The following MTMR4 variants were observed in gnomAD, a reference collection of about 807,000 sequenced individuals.
MTMR4 encodes phosphatidylinositol-3,5-bisphosphate 3-phosphatase MTMR4.
Under a neutral mutation model 125.5 loss-of-function variants are expected in MTMR4, and 30 were observed. That is an observed-to-expected ratio of 0.24 (90% CI 0.18 to 0.32). The LOEUF (loss-of-function observed/expected upper bound fraction) is 0.32. Ranked by LOEUF, MTMR4 falls within the 10% of genes least tolerant of loss-of-function variation. The probability of loss-of-function intolerance (pLI) is 1.00; values close to 1 mark genes in which losing one functional copy is unlikely to be tolerated. For missense variants in MTMR4, 1,039 were observed against 1,511.5 expected (o/e 0.69, Z 5.18); for synonymous variants, 498 against 564.5 (o/e 0.88, Z 1.67).
At position 58,495,940 on chromosome 17, in the gene MTMR4, G is replaced by A. The variant is rs1267123529; in HGVS notation, c.2244C>T (p.Asp748=). The A allele has an allele frequency of 1.9e-6, 3 of 1,614,066 alleles. No homozygotes were observed. ...VLEETKGPAP[D]PSAQDELGRT... ...TACCCAGCTCATCCTGGGCAGAAGG[G>A]TCTGGAGCTGGTCCCTTAGTCTCTT... Residue 748 remains aspartate, a synonymous_variant, in exon 15 of 18, where the codon GAC becomes GAT. Coordinates refer to ENST00000682306, the MANE Select transcript of MTMR4 (RefSeq NM_001378067.1).
At position 58,512,726 on chromosome 17, in the gene MTMR4, C is replaced by G. The variant is rs2143934250; in HGVS notation, c.135+126G>C. On this transcript the variant is annotated intron_variant, in intron 2 of 17. Coordinates refer to ENST00000682306, the MANE Select transcript of MTMR4 (RefSeq NM_001378067.1). The surrounding 1 kb of genome is among the most constrained non-coding windows in gnomAD (Gnocchi z 4.1). ...GATGCGCAGACAAACCCTCCTCCTC[C>G]AGAGACCAGGGAACATGAAGCCAGA... is the stretch of plus-strand genomic sequence containing the variant. The G allele has an allele frequency of 1.1e-6, 1 of 886,300 alleles. No individual in the cohort carries two copies. The highest frequency in any genetic ancestry group is 2.5e-5 in the East Asian group (1 of 40,340). The allele number at this position is 886,300 out of a possible 1,614,324, so 54.9% of individuals were successfully genotyped here. A position where few individuals can be genotyped will look rare whatever the true frequency, so the allele number is the denominator to read the frequency against.
rs1975834021 is a variant in MTMR4 at position 58,508,411 on chromosome 17, T to C, written c.593+57A>G. ...CTCAGAAGCTGTGCCCACCACACTT[T>C]ATCCAAACACGGAAGTAGTTTGGTG... On this transcript the variant is annotated intron_variant, in intron 6 of 17. Coordinates refer to ENST00000682306, the MANE Select transcript of MTMR4 (RefSeq NM_001378067.1). The surrounding 1 kb of genome is among the most constrained non-coding windows in gnomAD (Gnocchi z 4.8). 1.3e-6 allele frequency: 2 copies of C among 1,587,004 alleles called. No homozygotes were observed. Among genetic ancestry groups the C allele is most frequent in the Admixed American group, 1.7e-5 (1 of 59,936 alleles).
chr17:58,515,953 T>C (rs978137768), upstream of MTMR4, among the ~76,000 whole-genome samples: 9 of 152,218 alleles, frequency 5.9e-5, no homozygotes, highest in African/African-American at 9.6e-5. Context: ...CTCCTAGCTC[T>C]TAGGAGTTAA....
chr17:58,499,789 A>AT (rs368767094), intron 14 of MTMR4, among the ~76,000 whole-genome samples: 32,537 of 141,108 alleles, frequency 0.23, 3,997 homozygotes, highest in South Asian at 0.33. Context: ...CGCCCGGCTA[A>AT]TTTTTTTTTT....
chr17:58,511,323 A>C lies in MTMR4; in HGVS notation c.335+106T>G. ...TCTTCACCTTTTCTTCCAACTGGGG[A>C]AAGTGAGGCAGGATCTTTCCTCTCT... is the stretch of plus-strand genomic sequence containing the variant. On this transcript the variant is annotated intron_variant, in intron 4 of 17. Transcript: ENST00000682306. 9 of 1,027,140 alleles carry C rather than the reference A, an allele frequency of 8.8e-6. 1 individual carries two copies. The South Asian group carries it at 1.5e-4, about 17-fold the overall frequency. The allele number at this position is 1,027,140 out of a possible 1,614,324, so 63.6% of individuals were successfully genotyped here. A position where few individuals can be genotyped will look rare whatever the true frequency, so the allele number is the denominator to read the frequency against.
Position 58,496,146 on chromosome 17 carries a change from G to T in MTMR4, c.2038C>A (p.Pro680Thr), listed in dbSNP as rs142511713. 8.1e-6 allele frequency: 13 copies of T among 1,614,042 alleles called. No homozygotes were observed. Among genetic ancestry groups the T allele is most frequent in the Non-Finnish European group, 1.1e-5 (13 of 1,180,026 alleles). The stretch of plus-strand genomic sequence containing the variant: ...CCCACTTCTCCTACAGTTTGCTGAG[G>T]CCCTCCTACCCCAGAGTCCACAAAG... ...TSFVDSGVGG[P>T]QQTVGEVGLP... Residue 680 changes from proline to threonine, a missense_variant, in exon 15 of 18, where the codon CCT (proline) becomes ACT (threonine). By Grantham distance (38) the Pro-to-Thr change is conservative (BLOSUM62 -1). Around this residue, in one of 6 missense-constraint regions of MTMR4, gnomAD observed 619 missense variants for 714.5 expected, o/e 0.87. Coordinates refer to ENST00000682306, the MANE Select transcript of MTMR4 (RefSeq NM_001378067.1).
chr17:58,496,586 C>T (rs959691738), intron 14 of MTMR4, among the ~76,000 whole-genome samples: 1 of 152,208 alleles, frequency 6.6e-6, no homozygotes, highest in South Asian at 2.1e-4. Context: ...TGTCAGCACT[C>T]AACCTACCAG....
upstream of MTMR4, among the ~76,000 whole-genome samples, chr17:58,518,876 CG>C (rs1480900938): frequency 6.6e-6 from 1 of 152,152 alleles, no homozygotes; most frequent in Non-Finnish European, 1.5e-5. Flanking sequence ...TTAATTAGCC[CG>C]GGGCTAATGT....
chr17:58,507,131 G>A lies in MTMR4; in HGVS notation c.896C>T (p.Ala299Val), dbSNP rs1166860284. The change falls in exon 8 of 18, where the codon GCT becomes GTT. Residue 299 changes from alanine to valine, a missense_variant. Physicochemically the swap from Ala to Val is moderately conservative, Grantham distance 64. Around this residue, in one of 6 missense-constraint regions of MTMR4, gnomAD observed 49 missense variants for 68.4 expected, o/e 0.72. Coordinates refer to ENST00000682306, the MANE Select transcript of MTMR4 (RefSeq NM_001378067.1). ...CATCATCCACACCTTACCAAAGTCA[G>A]CATCACACGCCTCGCTGGTATCATT... ...GNNDTSEACD[A>V]DFDSSLTACS... is the part of the protein sequence containing the mutation. The A allele has an allele frequency of 6.2e-7, 1 of 1,614,136 alleles. No homozygotes were observed. The highest frequency in any genetic ancestry group is 8.5e-7 in the Non-Finnish European group (1 of 1,180,022).
Position 58,495,907 on chromosome 17 carries a change from T to C in MTMR4, c.2277A>G (p.Leu759=). Residue 759 remains leucine (L), a synonymous_variant, in exon 15 of 18, where the codon TTA becomes TTG. Transcript: ENST00000682306. ...PSAQDELGRT[L]DGIGEPPEHC... ...GTTCAGGTGGCTCCCCTATGCCATC[T>C]AAAGTCCTACCCAGCTCATCCTGGG... The C allele has an allele frequency of 6.2e-7, 1 of 1,614,220 alleles. No individual in the cohort carries two copies. Among genetic ancestry groups the C allele is most frequent in the Non-Finnish European group, 8.5e-7 (1 of 1,180,028 alleles).
In MTMR4 at chr17:58,508,401, C is replaced by T; in HGVS notation, c.593+67G>A. 3 of 1,577,130 alleles carry T rather than the reference C, an allele frequency of 1.9e-6. No homozygotes were observed. The highest frequency in any genetic ancestry group is 2.6e-6 in the Non-Finnish European group (3 of 1,146,456). On this transcript the variant is annotated intron_variant, in intron 6 of 17. Coordinates refer to ENST00000682306, the MANE Select transcript of MTMR4 (RefSeq NM_001378067.1). The surrounding 1 kb of genome is among the most constrained non-coding windows in gnomAD (Gnocchi z 4.8). ...CCCTCTCAGACTCAGAAGCTGTGCC[C>T]ACCACACTTTATCCAAACACGGAAG...
chr17:58,507,318 G>A lies in MTMR4; in HGVS notation c.709C>T (p.His237Tyr). Residue 237 changes from histidine to tyrosine, a missense_variant and splice_region_variant, in exon 8 of 18, where the codon CAC (histidine) becomes TAC (tyrosine). His to Tyr is a moderately conservative substitution (Grantham distance 83). Around this residue, in one of 6 missense-constraint regions of MTMR4, gnomAD observed 202 missense variants for 311.9 expected, o/e 0.65. Transcript: ENST00000682306. ...GCGATGGCAGCCCCATTGCGCAAGTGTCTGACAAAACAGAAGAAACCGTAA... is the reference window on the plus strand; with the variant it reads ...GCGATGGCAGCCCCATTGCGCAAGTATCTGACAAAACAGAAGAAACCGTAA... ...WKRIPVVVYRHLRNGAAIARC... is the reference protein window; with the variant it reads ...WKRIPVVVYRYLRNGAAIARC... 2 of 1,611,936 alleles carry A rather than the reference G, an allele frequency of 1.2e-6. No individual in the cohort carries two copies. Among genetic ancestry groups the A allele is most frequent in the Non-Finnish European group, 1.7e-6 (2 of 1,179,700 alleles).
At position 58,504,375 on chromosome 17, in the gene MTMR4, G is replaced by A. The variant is rs964780037; in HGVS notation, c.1455C>T (p.Leu485=). ...ACTGATGAACAGAATCAAGCCACTG[G>A]AGGAACACAGGGCATTGTTCGTTTT... ...EDQNEQCPVF[L]QWLDSVHQLL... Residue 485 remains leucine (L), a synonymous_variant, in exon 12 of 18, where the codon CTC becomes CTT. Transcript: ENST00000682306. This position sits in a 1 kb window ranked among gnomAD's most constrained non-coding sequence, Gnocchi z 7.1. 1 of 1,614,148 alleles carries A rather than the reference G, an allele frequency of 6.2e-7. No homozygotes were observed.
chr17:58,491,295 A>T lies in MTMR4; in HGVS notation c.*368T>A. ...TGGAGGAGAGATGGGTCTGGTTATC[A>T]CTTGGAGTTTGGTTATACATATGCC... is the stretch of plus-strand genomic sequence containing the variant. On this transcript the variant is annotated 3_prime_UTR_variant, in exon 18 of 18. Transcript: ENST00000682306. The T allele has an allele frequency of 6.2e-6, 1 of 162,328 alleles. No individual in the cohort carries two copies. The highest frequency in any genetic ancestry group is 1.4e-5 in the Non-Finnish European group (1 of 73,944). The allele number at this position is 162,328 out of a possible 1,614,324, so 10.1% of individuals were successfully genotyped here. A position where few individuals can be genotyped will look rare whatever the true frequency, so the allele number is the denominator to read the frequency against.
chr17:58,494,320 C>CAA (rs59888430), intron 15 of MTMR4, among the ~76,000 whole-genome samples: 1,726 of 88,514 alleles, frequency 0.019, 32 homozygotes, highest in African/African-American at 0.04. Flanking sequence ...GACTCCGTCT[C>CAA]AAAAAAAAAA....
In MTMR4 at chr17:58,508,330, G is replaced by A. The variant is rs948946194; in HGVS notation, c.594-56C>T. On this transcript the variant is annotated intron_variant, in intron 6 of 17. Transcript: ENST00000682306. The surrounding 1 kb of genome is among the most constrained non-coding windows in gnomAD (Gnocchi z 4.8). ...CTGGGTCTAAAACATGTGATGACAG[G>A]ATCCCTGGGGATGGCTTTGTGGGAA... The A allele has an allele frequency of 9.6e-6, 15 of 1,564,056 alleles. No individual in the cohort carries two copies. Among genetic ancestry groups the A allele is most frequent in the South Asian group, 2.2e-5 (2 of 89,956 alleles).
Position 58,496,239 on chromosome 17 carries a change from T to G in MTMR4, c.1945A>C (p.Asn649His). Residue 649 changes from asparagine to histidine, a missense_variant, in exon 15 of 18, where the codon AAC (asparagine) becomes CAC (histidine). By Grantham distance (68) the Asn-to-His change is moderately conservative. Transcript: ENST00000682306. ...TRTSSDPNLN[N>H]HCQEVRVGLE... ...CCTACCCTGACCTCCTGACAGTGGT[T>G]ATTCAGGTTAGGGTCACTGGATGTA... 2 of 1,614,166 alleles carry G rather than the reference T, an allele frequency of 1.2e-6. No homozygotes were observed. Among genetic ancestry groups the G allele is most frequent in the Non-Finnish European group, 8.5e-7 (1 of 1,180,032 alleles).
intron 14 of MTMR4, among the ~76,000 whole-genome samples, chr17:58,498,717 C>A (rs556572978): frequency 6.6e-6 from 1 of 152,236 alleles, no homozygotes; most frequent in East Asian, 1.9e-4. Context: ...GAGCTGCCTA[C>A]AACACACCTC....
In MTMR4 at chr17:58,495,176, T is replaced by G. The variant is rs1423928830; in HGVS notation, c.3008A>C (p.Gln1003Pro). 2 of 1,614,098 alleles carry G rather than the reference T, an allele frequency of 1.2e-6. No homozygotes were observed. The highest frequency in any genetic ancestry group is 1.7e-6 in the Non-Finnish European group (2 of 1,180,044). ...TGGAACGGGCTTTGTGCTAGAGACTTGCTTTGGATGACTGGACAACCACAT... is the reference window on the plus strand; with the variant it reads ...TGGAACGGGCTTTGTGCTAGAGACTGGCTTTGGATGACTGGACAACCACAT... ...NQMWLSSHPK[Q>P]VSSTKPVPLN... Residue 1003 changes from glutamine to proline, a missense_variant, in exon 15 of 18, where the codon CAA becomes CCA. Transcript: ENST00000682306.
Sources: gnomAD v4.1 joint callset for allele counts (sites outside exome capture counted in the v4.1 genomes callset) on GRCh38, gnomAD v4.1.1 for gene constraint, gnomAD v4.1.1 regional missense constraint, Gnocchi (gnomAD v3.1) non-coding constraint, MANE v1.5 for transcripts, NCBI Gene and HGNC (gene_info 2026-07-23, HGNC 2026-07-21) for gene names.